MARCHF1: variants seen among roughly 807,000 people sequenced by gnomAD.
MARCHF1 encodes E3 ubiquitin-protein ligase MARCHF1.
A neutral mutation model predicts 54.2 loss-of-function variants in MARCHF1; 40 were observed. The ratio of observed to expected loss-of-function variants is 0.74; its 90% CI spans 0.57 to 0.96. MARCHF1 has a LOEUF of 0.96. Among genes scored for constraint, MARCHF1 ranks in the 40% least tolerant of loss-of-function variants. MARCHF1 has a pLI of 0.00. For synonymous variants in MARCHF1, 236 were observed against 236.3 expected, an observed-to-expected ratio of 1.00 and a Z score of 0.01; for missense variants, 586 against 656.5, an observed-to-expected ratio of 0.89 and a Z score of 1.17.
chr4:164,109,269 C>T (rs1755777724), intron 2 of MARCHF1, among the ~76,000 whole-genome samples: 1 of 151,986 alleles, frequency 6.6e-6, no homozygotes, highest in Admixed American at 6.6e-5. Flanking sequence ...ATCCCCCAGA[C>T]AGTCCAAGAT....
chr4:163,632,215 A>G (rs879768444), intron 5 of MARCHF1, among the ~76,000 whole-genome samples: 5 of 152,182 alleles, frequency 3.3e-5, no homozygotes, highest in Non-Finnish European at 7.4e-5. Context: ...TCCACTCCAA[A>G]TCTCATGTTG....
At chr4:163,994,295 TGTGTGTGA>T (rs1199318314) in intron 2 of MARCHF1, among the ~76,000 whole-genome samples, 6 of 147,126 alleles carry the variant, frequency 4.1e-5, no homozygotes, top group African/African-American at 1.3e-4. Context: ...TGTGTGTGTG[TGTGTGTGA>T]GTGTGGTGGG....
At position 164,332,712 on chromosome 4, in the gene MARCHF1, C is replaced by T. The variant is rs183026149; in HGVS notation, c.-323+51158G>A. On this transcript the variant is annotated intron_variant, in intron 1 of 9. Transcript: ENST00000514618. ...TGCAACTGGTGTTAAACCTTAACTG[C>T]ATCATGATTAACCGGGCATCTGTGA... 7.0e-3 allele frequency among the ~76,000 whole-genome samples: 1,071 copies of T among 152,200 alleles called. 2 individuals carry two copies. Among genetic ancestry groups the T allele is most frequent in the Admixed American group, 0.012 (188 of 15,292 alleles).
intron 2 of MARCHF1, among the ~76,000 whole-genome samples, chr4:164,093,398 C>G (rs1431683411): frequency 6.6e-6 from 1 of 152,096 alleles, no homozygotes; most frequent in Non-Finnish European, 1.5e-5. Context: ...GCAACCAATA[C>G]TATTGTTGTG....
intron 1 of MARCHF1, among the ~76,000 whole-genome samples, chr4:164,148,499 A>G (rs558713825): frequency 1.3e-5 from 2 of 151,680 alleles, no homozygotes; most frequent in South Asian, 2.1e-4. Flanking sequence ...TAATTTCTTT[A>G]TTCATACTTT....
intron 5 of MARCHF1, among the ~76,000 whole-genome samples, chr4:163,675,595 G>T (rs556400172): frequency 1.3e-5 from 2 of 152,328 alleles, no homozygotes; most frequent in East Asian, 1.9e-4. Context: ...ATAACAAAGG[G>T]ATATGTCTGT....
At chr4:163,574,537 A>G (rs994566044) in intron 8 of MARCHF1, among the ~76,000 whole-genome samples, 6 of 143,628 alleles carry the variant, frequency 4.2e-5, no homozygotes, top group Non-Finnish European at 9.1e-5. Context: ...ACATATGGCT[A>G]GCCAGTTTTC....
chr4:164,141,765 T>C (rs1468183986), intron 1 of MARCHF1, among the ~76,000 whole-genome samples: 1 of 152,012 alleles, frequency 6.6e-6, no homozygotes, highest in Non-Finnish European at 1.5e-5. Flanking sequence ...TTACTCAGAG[T>C]GCAATCTATA....
intron 3 of MARCHF1, among the ~76,000 whole-genome samples, chr4:163,880,478 T>G (rs1750391446): frequency 6.6e-6 from 1 of 151,204 alleles, no homozygotes; most frequent in Non-Finnish European, 1.5e-5. Context: ...GATAATAGAT[T>G]TCAATTCTCT....
At chr4:163,588,275 C>T (rs1215657791) in intron 7 of MARCHF1, among the ~76,000 whole-genome samples, 2 of 152,106 alleles carry the variant, frequency 1.3e-5, no homozygotes, top group Non-Finnish European at 1.5e-5. Context: ...ATCTGAGTGC[C>T]TATTTTTAAT....
At chr4:163,662,001 T>TA (rs1448888419) in intron 5 of MARCHF1, among the ~76,000 whole-genome samples, 6 of 152,222 alleles carry the variant, frequency 3.9e-5, no homozygotes, top group Non-Finnish European at 8.8e-5. Flanking sequence ...TGCTCCTTTT[T>TA]AAAAAACAAT....
intron 1 of MARCHF1, among the ~76,000 whole-genome samples, chr4:164,381,383 TTC>T (rs1731366349): frequency 1.3e-5 from 2 of 152,334 alleles, no homozygotes; most frequent in East Asian, 1.9e-4. Context: ...TGCTTATACT[TTC>T]TGAGAAATTT....
chr4:163,928,237 T>C (rs1751580988), intron 3 of MARCHF1, among the ~76,000 whole-genome samples: 2 of 151,932 alleles, frequency 1.3e-5, no homozygotes, highest in South Asian at 4.1e-4. Context: ...TAGTATTATC[T>C]ATATGCCAAT....
intron 1 of MARCHF1, among the ~76,000 whole-genome samples, chr4:164,237,278 T>C (rs1313869201): frequency 6.6e-6 from 1 of 152,160 alleles, no homozygotes; most frequent in Non-Finnish European, 1.5e-5. Flanking sequence ...AGAAACCTTT[T>C]TTCTGTCAAG....
At chr4:164,377,182 A>AACATTAGT (rs74460526) in intron 1 of MARCHF1, among the ~76,000 whole-genome samples, 78,839 of 151,412 alleles carry the variant, frequency 0.52, 21,409 homozygotes, top group East Asian at 0.64. Context: ...GTAATAGTTC[A>AACATTAGT]ATCCATCCGT....
Position 163,585,396 on chromosome 4 carries a change from T to A in MARCHF1, c.1191+353A>T, listed in dbSNP as rs537639395. 5.2e-3 allele frequency: 821 copies of A among 157,062 alleles called. 7 individuals are homozygous for A. Among genetic ancestry groups the A allele is most frequent in the African/African-American group, 0.019 (796 of 41,794 alleles). The allele number at this position is 157,062 out of a possible 1,614,324, so 9.7% of individuals were successfully genotyped here. ...CATGTAACCTTCTTGAGAACTGGCT[T>A]CCGTAAGCACAATGCTATCATAGTT... On this transcript the variant is annotated intron_variant, in intron 8 of 9. Transcript: ENST00000514618.
chr4:164,137,838 C>A (rs547663226), intron 1 of MARCHF1, among the ~76,000 whole-genome samples: 1 of 152,002 alleles, frequency 6.6e-6, no homozygotes, highest in Non-Finnish European at 1.5e-5. Context: ...ATAAAATACA[C>A]ATAGAAATGA....
intron 2 of MARCHF1, among the ~76,000 whole-genome samples, chr4:164,020,650 G>C (rs1054278641): frequency 1.3e-5 from 2 of 152,198 alleles, no homozygotes; most frequent in African/African-American, 4.8e-5. Flanking sequence ...ATCCAGGTAG[G>C]GCTGGGTGCC....
At chr4:163,541,362 AGTT>A (rs1375083232) in intron 9 of MARCHF1, among the ~76,000 whole-genome samples, 1 of 152,214 alleles carries the variant, frequency 6.6e-6, no homozygotes, top group Non-Finnish European at 1.5e-5. Context: ...AAATTGTTGT[AGTT>A]GTTTTTGGTT....
Sources: allele counts gnomAD v4.1 joint callset (sites outside exome capture counted in the v4.1 genomes callset), GRCh38; gene constraint gnomAD v4.1.1; transcripts MANE v1.5; gene names NCBI Gene and HGNC (gene_info 2026-07-23, HGNC 2026-07-21).